The following KCNQ1 variants were observed in gnomAD, a reference collection of about 807,000 sequenced individuals.
KCNQ1 encodes the protein potassium voltage-gated channel subfamily Q member 1.
KCNQ1 carries 49 observed loss-of-function variants against 72.4 expected under a neutral mutation model. The observed-to-expected ratio is 0.68, with a 90% CI of 0.54 to 0.86. KCNQ1 has a LOEUF of 0.86. KCNQ1 is among the 40% of genes least tolerant of loss of function. The pLI is 0.00. For synonymous variants in KCNQ1, 450 were observed against 412.6 expected (o/e 1.09, Z -1.10); for missense variants, 790 against 945.1 (o/e 0.84, Z 2.15).
rs1015716650 is a variant in KCNQ1, at chr11:2,815,268, C to T, written c.1795-32499C>T. On this transcript the variant is annotated intron_variant, in intron 15 of 15. Transcript: ENST00000155840. The surrounding 1 kb of genome is among the most constrained non-coding windows in gnomAD (Gnocchi z 5.4). ...GGGGGTGTCTAGGCTGCCACCACAG[C>T]ATCCACACTCCCCACTAGAGCCCAC... Among the ~76,000 whole-genome samples the T allele has an allele frequency of 4.6e-5, 7 of 152,248 alleles. No individual in the cohort carries two copies. The South Asian group carries it at 8.3e-4, about 18-fold the overall frequency.
Position 2,627,550 on chromosome 11 carries a change from T to C in KCNQ1, c.1394-34411T>C, listed in dbSNP as rs964204546. The C allele has an allele frequency of 5.0e-6, 2 of 398,418 alleles. No homozygotes were observed. Among genetic ancestry groups the C allele is most frequent in the African/African-American group, 4.1e-5 (2 of 48,602 alleles). The allele number at this position is 398,418 out of a possible 1,614,324, so 24.7% of individuals were successfully genotyped here. Reference sequence around the variant, plus strand: ...TCCATATGTAACTGGGATAGTGCAGTATTTGTCTTTCTGTGTCTGGCTATT... The same window carrying C: ...TCCATATGTAACTGGGATAGTGCAGCATTTGTCTTTCTGTGTCTGGCTATT... On this transcript the variant is annotated intron_variant, in intron 10 of 15. Coordinates refer to ENST00000155840, the MANE Select transcript of KCNQ1 (RefSeq NM_000218.3). The surrounding 1 kb of genome is among the most constrained non-coding windows in gnomAD (Gnocchi z 4.9).
rs1349255449 is a variant in KCNQ1 at position 2,447,867 on chromosome 11, G to A, written c.386+2383G>A. ...ACAGGGCTAGGGCGAACTCTCCTGTGTGCGCCTGGGGAAGCCAGCCAGGAT... is the reference window on the plus strand; with the variant it reads ...ACAGGGCTAGGGCGAACTCTCCTGTATGCGCCTGGGGAAGCCAGCCAGGAT... On this transcript the variant is annotated intron_variant, in intron 1 of 15. Coordinates refer to ENST00000155840, the MANE Select transcript of KCNQ1 (RefSeq NM_000218.3). This position sits in a 1 kb window ranked among gnomAD's most constrained non-coding sequence, Gnocchi z 7.6. Among the ~76,000 whole-genome samples the A allele has an allele frequency of 1.3e-5, 2 of 152,212 alleles. No homozygotes were observed. The highest frequency in any genetic ancestry group is 2.9e-5 in the Non-Finnish European group (2 of 68,024).
At chr11:2,607,367 G>A (rs898139597) in intron 10 of KCNQ1, among the ~76,000 whole-genome samples, 2 of 152,094 alleles carry the variant, frequency 1.3e-5, no homozygotes, top group African/African-American at 4.8e-5. Context: ...TAGACTGAAT[G>A]TGTGTGTTTC....
chr11:2,555,723 C>T (rs1848060496), intron 2 of KCNQ1, among the ~76,000 whole-genome samples: 1 of 152,254 alleles, frequency 6.6e-6, no homozygotes, highest in South Asian at 2.1e-4. Flanking sequence ...CATATGCCCA[C>T]ATTTTCCTGC....
chr11:2,781,999 C>T lies in KCNQ1; in HGVS notation c.1794+3962C>T, dbSNP rs1453415164. 6.6e-6 allele frequency among the ~76,000 whole-genome samples: 1 copy of T among 152,140 alleles called. No individual in the cohort carries two copies. The highest frequency in any genetic ancestry group is 1.5e-5 in the Non-Finnish European group (1 of 68,024). ...CCTTTACCAAGCTTCGTGCATGACCCCAACCTCCAGGATGCAGGCAGGCCC... is the reference window on the plus strand; with the variant it reads ...CCTTTACCAAGCTTCGTGCATGACCTCAACCTCCAGGATGCAGGCAGGCCC... On this transcript the variant is annotated intron_variant, in intron 15 of 15. Coordinates refer to ENST00000155840, the MANE Select transcript of KCNQ1 (RefSeq NM_000218.3). This position sits in a 1 kb window ranked among gnomAD's most constrained non-coding sequence, Gnocchi z 6.6.
intron 3 of KCNQ1, 46 bp from the exon 4 acceptor site, chr11:2,571,279 T>G (rs1285047924): frequency 5.3e-5 from 80 of 1,499,960 alleles, no homozygotes; most frequent in Non-Finnish European, 7.4e-5. Context: ...CCTGGGGCCC[T>G]GGCTGTGGCG....
chr11:2,613,661 C>T lies in KCNQ1; in HGVS notation c.1393+24807C>T. The T allele has an allele frequency of 2.5e-6, 1 of 398,410 alleles. No individual in the cohort carries two copies. The highest frequency in any genetic ancestry group is 4.4e-6 in the Non-Finnish European group (1 of 226,018). 24.7% of individuals were successfully genotyped at this position (398,410 alleles called of 1,614,324 possible). ...AGTGGTTATATCAAGGTGCTCATTC[C>T]ACCACCTCAGAAGTGGTCCCTATCT... is the stretch of plus-strand genomic sequence containing the variant. On this transcript the variant is annotated intron_variant, in intron 10 of 15. Transcript: ENST00000155840. The surrounding 1 kb of genome is among the most constrained non-coding windows in gnomAD (Gnocchi z 4.8).
intron 10 of KCNQ1, chr11:2,643,891 GGTTTT>G (rs1435458306): frequency 4.3e-5 from 17 of 398,342 alleles, no homozygotes; most frequent in Non-Finnish European, 7.5e-5. Context: ...GCAGGTTTTT[GGTTTT>G]GTTTTTTCTT....
rs1850563065 is a variant in KCNQ1 at position 2,690,057 on chromosome 11, G to A, written c.1514+27976G>A. On this transcript the variant is annotated intron_variant, in intron 11 of 15. Transcript: ENST00000155840. The surrounding 1 kb of genome is among the most constrained non-coding windows in gnomAD (Gnocchi z 5.1). ...GCCCTGCCTCTCCTCCCCTCTCCTA[G>A]CCTGCTTCTGTCTGGGCTGAAGGCA... 5.0e-6 allele frequency: 2 copies of A among 398,922 alleles called. No individual in the cohort carries two copies. The highest frequency in any genetic ancestry group is 8.8e-6 in the Non-Finnish European group (2 of 226,286). The allele number at this position is 398,922 out of a possible 1,614,324, so 24.7% of individuals were successfully genotyped here.
At position 2,627,220 on chromosome 11, in the gene KCNQ1, A is replaced by G. The variant is rs1589989945; in HGVS notation, c.1394-34741A>G. 2.5e-6 allele frequency: 1 copy of G among 398,432 alleles called. No homozygotes were observed. The highest frequency in any genetic ancestry group is 4.4e-5 in the Admixed American group (1 of 22,708). 24.7% of individuals were successfully genotyped at this position (398,432 alleles called of 1,614,324 possible). A position where few individuals can be genotyped will look rare whatever the true frequency, so the allele number is the denominator to read the frequency against. The stretch of plus-strand genomic sequence containing the variant: ...GGTATAATTGACAAATTAAAAGTGC[A>G]TATATTTAAGAACATATTTGACCTA... On this transcript the variant is annotated intron_variant, in intron 10 of 15. Coordinates refer to ENST00000155840, the MANE Select transcript of KCNQ1 (RefSeq NM_000218.3). This position sits in a 1 kb window ranked among gnomAD's most constrained non-coding sequence, Gnocchi z 4.9.
Position 2,748,015 on chromosome 11 carries a change from A to G in KCNQ1, c.1515-20829A>G, listed in dbSNP as rs758348131. On this transcript the variant is annotated intron_variant, in intron 11 of 15. Coordinates refer to ENST00000155840, the MANE Select transcript of KCNQ1 (RefSeq NM_000218.3). The surrounding 1 kb of genome is among the most constrained non-coding windows in gnomAD (Gnocchi z 6.2). ...ACCAGCAGAATACTTCAAGAAGACC[A>G]CTCGGGCCTAGGGCTCTGCAAGCAA... is the stretch of plus-strand genomic sequence containing the variant. 6.6e-6 allele frequency among the ~76,000 whole-genome samples: 1 copy of G among 152,010 alleles called. No individual in the cohort carries two copies. Among genetic ancestry groups the G allele is most frequent in the Non-Finnish European group, 1.5e-5 (1 of 68,000 alleles).
At chr11:2,456,225 C>T (rs542328544) in intron 1 of KCNQ1, among the ~76,000 whole-genome samples, 1 of 151,800 alleles carries the variant, frequency 6.6e-6, no homozygotes, top group Non-Finnish European at 1.5e-5. Flanking sequence ...GTGGTCCCAG[C>T]TACCCGGGAA....
chr11:2,776,246 G>A (rs923479748), intron 13 of KCNQ1, among the ~76,000 whole-genome samples, 192 bp downstream of exon 13: 4 of 152,154 alleles, frequency 2.6e-5, no homozygotes, highest in Non-Finnish European at 5.9e-5. Context: ...TTCACAGCCA[G>A]CCCACCAGGC....
At position 2,595,604 on chromosome 11, in the gene KCNQ1, C is replaced by T. The variant is rs557306333; in HGVS notation, c.1393+6750C>T. The stretch of plus-strand genomic sequence containing the variant: ...TTACTGAATATGTTGAGCCCATTTT[C>T]GAGACCTATTGCTCAGACAAAAAGA... On this transcript the variant is annotated intron_variant, in intron 10 of 15. Transcript: ENST00000155840. The surrounding 1 kb of genome is among the most constrained non-coding windows in gnomAD (Gnocchi z 5.0). Among the ~76,000 whole-genome samples the T allele has an allele frequency of 9.2e-5, 14 of 152,236 alleles. No homozygotes were observed. The East Asian group carries it at 1.5e-3, about 17-fold the overall frequency.
rs537254720 is a variant in KCNQ1 at position 2,584,439 on chromosome 11, G to A, written c.1033-773G>A. ...TGTGTTAGTGTGTGTGTTAGTGTGC[G>A]TTAGTTTGTGTTTGTGTGTGTATGT... On this transcript the variant is annotated intron_variant, in intron 7 of 15. Coordinates refer to ENST00000155840, the MANE Select transcript of KCNQ1 (RefSeq NM_000218.3). Among the ~76,000 whole-genome samples the A allele has an allele frequency of 2.2e-4, 34 of 151,368 alleles. 1 individual carries two copies. Among genetic ancestry groups the A allele is most frequent in the East Asian group, 5.8e-4 (3 of 5,132 alleles).
chr11:2,560,392 C>T (rs1848145900), intron 2 of KCNQ1, among the ~76,000 whole-genome samples: 1 of 65,078 alleles, frequency 1.5e-5, no homozygotes, highest in East Asian at 5.4e-4. Flanking sequence ...TGGGGGGTGG[C>T]GTCCATCCTG....
chr11:2,834,464 T>G (rs1326703165), intron 15 of KCNQ1, among the ~76,000 whole-genome samples: 1 of 152,182 alleles, frequency 6.6e-6, no homozygotes, highest in East Asian at 1.9e-4. Context: ...AGGCACAGCA[T>G]CCACTGCCAG....
At chr11:2,584,718 T>TTG (rs147352462) in intron 7 of KCNQ1, among the ~76,000 whole-genome samples, 12,300 of 151,824 alleles carry the variant, frequency 0.081, 612 homozygotes, top group East Asian at 0.18. Context: ...TGCATATCTA[T>TTG]TGTGTGTGTG....
chr11:2,647,962 C>A lies in KCNQ1; in HGVS notation c.1394-13999C>A. The A allele has an allele frequency of 2.5e-6, 1 of 397,776 alleles. No individual in the cohort carries two copies. Among genetic ancestry groups the A allele is most frequent in the Non-Finnish European group, 4.4e-6 (1 of 225,990 alleles). 24.6% of individuals were successfully genotyped at this position (397,776 alleles called of 1,614,324 possible). ...GGTTTGTTGGCTCACACCTGTAAAC[C>A]CAGTACTTTGGAAGGCCAAGGCAGG... is the stretch of plus-strand genomic sequence containing the variant. On this transcript the variant is annotated intron_variant, in intron 10 of 15. Coordinates refer to ENST00000155840, the MANE Select transcript of KCNQ1 (RefSeq NM_000218.3). The surrounding 1 kb of genome is among the most constrained non-coding windows in gnomAD (Gnocchi z 4.0).
Sources: allele counts gnomAD v4.1 joint callset (sites outside exome capture counted in the v4.1 genomes callset), GRCh38; gene constraint gnomAD v4.1.1; non-coding constraint Gnocchi (gnomAD v3.1); transcripts MANE v1.5; gene names NCBI Gene and HGNC (gene_info 2026-07-23, HGNC 2026-07-21).